Variants in MAGI2 observed in about 807,000 individuals in gnomAD.
MAGI2 encodes the protein membrane-associated guanylate kinase, WW and PDZ domain-containing protein 2.
MAGI2 carries 35 observed loss-of-function variants against 133.3 expected under a neutral mutation model. That is an observed-to-expected ratio of 0.26 (90% CI 0.20 to 0.35). The LOEUF (loss-of-function observed/expected upper bound fraction) is 0.35, where lower values mean the gene tolerates loss of function less well. Ranked by LOEUF, MAGI2 falls within the 10% of genes least tolerant of loss-of-function variation. The probability of loss-of-function intolerance (pLI) is 1.00; values close to 1 mark genes in which losing one functional copy is unlikely to be tolerated. For missense variants in MAGI2, 1,636 were observed against 1,863.4 expected, an observed-to-expected ratio of 0.88 and a Z score of 2.25; for synonymous variants, 729 against 710.6, an observed-to-expected ratio of 1.03 and a Z score of -0.41.
chr7:79,088,533 C>T (rs1271709188), intron 1 of MAGI2, among the ~76,000 whole-genome samples: 3 of 152,020 alleles, frequency 2.0e-5, no homozygotes, highest in Admixed American at 6.6e-5. Flanking sequence ...CTGGCCAGAA[C>T]GTCCAATAAT....
chr7:78,608,913 T>C (rs575585369), intron 3 of MAGI2, among the ~76,000 whole-genome samples: 66 of 152,298 alleles, frequency 4.3e-4, no homozygotes, highest in African/African-American at 1.5e-3. Flanking sequence ...TATGGGAGTT[T>C]ATTAAGCATT....
At chr7:78,229,047 T>C (rs1379389228) in intron 10 of MAGI2, among the ~76,000 whole-genome samples, 1 of 152,268 alleles carries the variant, frequency 6.6e-6, no homozygotes, top group Non-Finnish European at 1.5e-5. Flanking sequence ...AATATGGCTC[T>C]GCCTGAGCAG....
chr7:78,628,486 C>G (rs986765506), intron 2 of MAGI2, among the ~76,000 whole-genome samples: 2 of 152,038 alleles, frequency 1.3e-5, no homozygotes, highest in Admixed American at 1.3e-4. Flanking sequence ...AGAATAAAAT[C>G]TGGACTGCAA....
chr7:78,129,541 T>C (rs1211460681), intron 18 of MAGI2, among the ~76,000 whole-genome samples: 1 of 152,216 alleles, frequency 6.6e-6, no homozygotes, highest in African/African-American at 2.4e-5. Flanking sequence ...TTAGAAATGA[T>C]AAAACCAGAC....
intron 10 of MAGI2, among the ~76,000 whole-genome samples, chr7:78,225,824 T>C (rs1212873287): frequency 6.6e-6 from 1 of 152,214 alleles, no homozygotes; most frequent in Non-Finnish European, 1.5e-5. Context: ...AAAATATTTC[T>C]AGATAAATTA....
chr7:78,320,634 G>A (rs974329129), intron 9 of MAGI2, among the ~76,000 whole-genome samples: 2 of 152,034 alleles, frequency 1.3e-5, no homozygotes, highest in African/African-American at 2.4e-5. Context: ...AAAATAATGC[G>A]AGTTATTTAT....
chr7:78,560,916 A>G (rs1291582219), intron 3 of MAGI2, among the ~76,000 whole-genome samples: 1 of 152,218 alleles, frequency 6.6e-6, no homozygotes, highest in Non-Finnish European at 1.5e-5. Flanking sequence ...TAAAGATTTT[A>G]GGTTGCATCA....
At chr7:78,863,224 T>A (rs1794290020) in intron 2 of MAGI2, among the ~76,000 whole-genome samples, 1 of 152,230 alleles carries the variant, frequency 6.6e-6, no homozygotes, top group African/African-American at 2.4e-5. Flanking sequence ...TGGCTTCTAT[T>A]CCCCAGATTC....
chr7:78,730,379 A>G (rs956630861), intron 2 of MAGI2, among the ~76,000 whole-genome samples: 1 of 148,690 alleles, frequency 6.7e-6, no homozygotes, highest in African/African-American at 2.5e-5. Flanking sequence ...AATGGGCCCT[A>G]AGTACCTTTC....
chr7:79,159,517 C>CAA (rs57296916), intron 1 of MAGI2, among the ~76,000 whole-genome samples: 10 of 107,258 alleles, frequency 9.3e-5, no homozygotes, highest in African/African-American at 2.4e-4. Context: ...GACTCAGTCT[C>CAA]AAAAAAAAAA....
chr7:79,104,705 AAAAAG>A (rs953999863), intron 1 of MAGI2, among the ~76,000 whole-genome samples: 31 of 152,240 alleles, frequency 2.0e-4, no homozygotes, highest in African/African-American at 6.3e-4. Flanking sequence ...TTTAAAATAC[AAAAAG>A]AAAAGAAAAG....
intron 1 of MAGI2, among the ~76,000 whole-genome samples, chr7:79,445,147 C>T (rs1848756318): frequency 6.6e-6 from 1 of 152,090 alleles, no homozygotes; most frequent in South Asian, 2.1e-4. Flanking sequence ...TTCCTTATAC[C>T]TTATATAAAA....
At chr7:78,861,549 T>C (rs1043354662) in intron 2 of MAGI2, among the ~76,000 whole-genome samples, 2 of 152,106 alleles carry the variant, frequency 1.3e-5, no homozygotes, top group Non-Finnish European at 2.9e-5. Flanking sequence ...TCCAGAAGAG[T>C]TGATACACAC....
intron 1 of MAGI2, among the ~76,000 whole-genome samples, chr7:79,224,574 C>T (rs1462001626): frequency 6.6e-6 from 1 of 152,038 alleles, no homozygotes; most frequent in Non-Finnish European, 1.5e-5. Flanking sequence ...CCCAAATGTT[C>T]ATCAATTGGG....
chr7:78,871,377 G>A lies in MAGI2; in HGVS notation c.418+135713C>T, dbSNP rs532024032. ...CAGGGGGTGAGGGATATAAGACTAC[G>A]CACTGAGTACAGTGTTCACTGCTCA... On this transcript the variant is annotated intron_variant, in intron 2 of 21. Transcript: ENST00000354212. Among the ~76,000 whole-genome samples the A allele has an allele frequency of 1.6e-4, 25 of 152,136 alleles. 2 individuals are homozygous for A. The South Asian group carries it at 4.6e-3, about 28-fold the overall frequency.
At chr7:78,223,448 G>A (rs1177230362) in intron 10 of MAGI2, among the ~76,000 whole-genome samples, 1 of 152,090 alleles carries the variant, frequency 6.6e-6, no homozygotes, top group African/African-American at 2.4e-5. Flanking sequence ...TGTAAAGAGG[G>A]AAGACATAAA....
chr7:78,375,291 C>T (rs1209398079), intron 6 of MAGI2, among the ~76,000 whole-genome samples: 2 of 152,112 alleles, frequency 1.3e-5, no homozygotes, highest in Admixed American at 1.3e-4. Flanking sequence ...CATCCTGGGT[C>T]CTAGAAGTCA....
chr7:79,258,505 C>G (rs563399536), intron 1 of MAGI2, among the ~76,000 whole-genome samples: 1 of 152,296 alleles, frequency 6.6e-6, no homozygotes, highest in South Asian at 2.1e-4. Flanking sequence ...CAGGGGGAGG[C>G]TCTGCTCTTC....
In MAGI2 at chr7:78,185,065, T is replaced by C. The variant is rs78104270; in HGVS notation, c.2311+564A>G. ...AATAAAATGTAAGCCACATAAGTAA[T>C]TTAACATTTTCTAGTAGCCACATTT... On this transcript the variant is annotated intron_variant, in intron 13 of 21. Transcript: ENST00000354212. Among the ~76,000 whole-genome samples, 909 of 152,312 alleles carry C rather than the reference T, an allele frequency of 6.0e-3. 7 individuals are homozygous for C. Among genetic ancestry groups the C allele is most frequent in the African/African-American group, 0.021 (867 of 41,576 alleles).
Sources: gnomAD v4.1 joint callset for allele counts (sites outside exome capture counted in the v4.1 genomes callset) on GRCh38, gnomAD v4.1.1 for gene constraint, MANE v1.5 for transcripts, NCBI Gene and HGNC (gene_info 2026-07-23, HGNC 2026-07-21) for gene names.